TTC6: variants seen among roughly 807,000 people sequenced by gnomAD.
The protein encoded by TTC6 is tetratricopeptide repeat protein 6.
In TTC6, 172 loss-of-function variants were observed where a neutral mutation model predicts 210.4. The observed-to-expected ratio is 0.82, with a 90% CI of 0.72 to 0.93. The LOEUF is 0.93. Among genes scored for constraint, TTC6 ranks in the 40% least tolerant of loss-of-function variants. The pLI, the probability that TTC6 is intolerant of heterozygous loss-of-function variation, is 0.00. For synonymous variants in TTC6, 804 were observed against 819.6 expected, an observed-to-expected ratio of 0.98 and a Z score of 0.32; for missense variants, 2,414 against 2,318.1, an observed-to-expected ratio of 1.04 and a Z score of -0.85.
At chr14:37,840,382 T>G (rs989493987) in intron 29 of TTC6, among the ~76,000 whole-genome samples, 3 of 152,038 alleles carry the variant, frequency 2.0e-5, no homozygotes, top group African/African-American at 7.2e-5. Context: ...CAGGACCAGA[T>G]GGATTCACAG....
chr14:37,715,593 C>T (rs2095851348), intron 6 of TTC6, among the ~76,000 whole-genome samples: 1 of 151,476 alleles, frequency 6.6e-6, no homozygotes, highest in Admixed American at 6.6e-5. Flanking sequence ...ATAAAGAAAG[C>T]AACAAAAAAG....
chr14:37,768,597 C>T (rs1470846893), intron 14 of TTC6, among the ~76,000 whole-genome samples: 2 of 151,724 alleles, frequency 1.3e-5, no homozygotes, highest in Non-Finnish European at 2.9e-5. Context: ...ATTTGGCTCT[C>T]TGTTTGTCTG....
chr14:37,821,125 TG>T (rs1283674759), intron 26 of TTC6, among the ~76,000 whole-genome samples: 1 of 151,680 alleles, frequency 6.6e-6, no homozygotes, highest in Non-Finnish European at 1.5e-5. Flanking sequence ...TGGAGTACAA[TG>T]GCATGATCTT....
chr14:37,714,781 A>G (rs1043182376), exon 6 of TTC6: 5 of 1,534,616 alleles, frequency 3.3e-6, no homozygotes, highest in Middle Eastern at 1.7e-4. Context: ...CACACTTGGA[A>G]GTCTTGGGAG....
chr14:37,661,510 T>G (rs2095737301), intron 1 of TTC6, among the ~76,000 whole-genome samples: 1 of 152,202 alleles, frequency 6.6e-6, no homozygotes, highest in Admixed American at 6.5e-5. Context: ...GAGTTCTCTA[T>G]TCTGTTCCAT....
At chr14:37,770,429 T>G (rs2096014252) in intron 14 of TTC6, among the ~76,000 whole-genome samples, 1 of 152,022 alleles carries the variant, frequency 6.6e-6, no homozygotes, top group Admixed American at 6.6e-5. Context: ...TATTAATGTG[T>G]GGGAGTCTAA....
At chr14:37,689,410 G>A (rs778822760) in intron 3 of TTC6, among the ~76,000 whole-genome samples, 9 of 152,172 alleles carry the variant, frequency 5.9e-5, no homozygotes, top group Non-Finnish European at 1.2e-4. Flanking sequence ...TACTCAAAGG[G>A]ATAATAGCAG....
intron 29 of TTC6, among the ~76,000 whole-genome samples, chr14:37,832,754 T>C (rs548528056): frequency 6.6e-6 from 1 of 152,198 alleles, no homozygotes; most frequent in East Asian, 1.9e-4. Flanking sequence ...GAATATTCCA[T>C]GTACTGATAA....
intron 1 of TTC6, among the ~76,000 whole-genome samples, chr14:37,603,183 T>A (rs1319729409): frequency 6.6e-6 from 1 of 152,070 alleles, no homozygotes; most frequent in African/African-American, 2.4e-5. Flanking sequence ...GGCAGCATGG[T>A]TCTGACGCTG....
chr14:37,669,278 T>C lies in TTC6; in HGVS notation c.940-10873T>C, dbSNP rs182741148. Among the ~76,000 whole-genome samples, 167 of 152,254 alleles carry C rather than the reference T, an allele frequency of 1.1e-3. 2 individuals carry two copies. Among genetic ancestry groups the C allele is most frequent in the Non-Finnish European group, 1.9e-3 (127 of 68,000 alleles). Reference sequence around the variant, plus strand: ...CATCACTACCCCTTGGAAGTGCATCTGGGGATGGGGAGTGAGGGAGCCAAT... The same window carrying C: ...CATCACTACCCCTTGGAAGTGCATCCGGGGATGGGGAGTGAGGGAGCCAAT... On this transcript the variant is annotated intron_variant, in intron 1 of 30. Coordinates refer to ENST00000553443, the Ensembl canonical transcript of TTC6.
At chr14:37,600,859 G>C (rs1347110038) in intron 1 of TTC6, among the ~76,000 whole-genome samples, 1 of 143,522 alleles carries the variant, frequency 7.0e-6, no homozygotes, top group African/African-American at 2.9e-5. Context: ...TCAGAGGAAA[G>C]TTTTGTTTTA....
Position 37,713,007 on chromosome 14 carries a change from C to T in TTC6, c.1572-1648C>T, listed in dbSNP as rs575442744. Among the ~76,000 whole-genome samples the T allele has an allele frequency of 2.0e-5, 3 of 152,284 alleles. No individual in the cohort carries two copies. The South Asian group carries it at 6.2e-4, about 32-fold the overall frequency. ...GTTTAACTGGCTGCCTAGGGTGCTG[C>T]TGTTCCTGACACAGGAAGGCGGCAA... On this transcript the variant is annotated intron_variant, in intron 5 of 30. Transcript: ENST00000553443.
At chr14:37,731,431 T>C (rs1197007009) in intron 7 of TTC6, among the ~76,000 whole-genome samples, 1 of 152,116 alleles carries the variant, frequency 6.6e-6, no homozygotes, top group East Asian at 1.9e-4. Flanking sequence ...AACACGACAC[T>C]AAATAGGCCT....
At chr14:37,746,668 G>A (rs1326817133) in intron 10 of TTC6, among the ~76,000 whole-genome samples, 1 of 152,196 alleles carries the variant, frequency 6.6e-6, no homozygotes, top group Non-Finnish European at 1.5e-5. Context: ...ATATGTGGGA[G>A]GCTGAGGGAC....
chr14:37,787,699 A>G (rs2096071033), intron 15 of TTC6, 62 bp downstream of exon 17: 3 of 1,302,304 alleles, frequency 2.3e-6, no homozygotes, highest in South Asian at 2.1e-5. Context: ...GCTCAGTTTC[A>G]TAGTGGTGAA....
chr14:37,751,342 A>G lies in TTC6; in HGVS notation c.3129+117A>G. 3 of 631,954 alleles carry G rather than the reference A, an allele frequency of 4.7e-6. No individual in the cohort carries two copies. The Middle Eastern group carries it at 1.4e-3, about 297-fold the overall frequency. 39.1% of individuals were successfully genotyped at this position (631,954 alleles called of 1,614,324 possible). On this transcript the variant is annotated intron_variant, in intron 13 of 30. Coordinates refer to ENST00000553443, the Ensembl canonical transcript of TTC6. Reference sequence around the variant, plus strand: ...TGTATATATTATATAATCAAAATTGATTTATTACAGGTTAGGAGCTAGAGT... The same window carrying G: ...TGTATATATTATATAATCAAAATTGGTTTATTACAGGTTAGGAGCTAGAGT...
At chr14:37,711,292 A>C (rs1595137124) in intron 5 of TTC6, among the ~76,000 whole-genome samples, 1 of 152,154 alleles carries the variant, frequency 6.6e-6, no homozygotes, top group East Asian at 1.9e-4. Flanking sequence ...TTTTTCTCCC[A>C]AACAAGCCTA....
rs758028910 is a variant in TTC6 at position 37,701,424 on chromosome 14, G to C, written c.1469G>C (p.Arg490Pro). The change falls in exon 5 of 31, where the codon CGA (arginine) becomes CCA (proline). Residue 490 changes from arginine (R) to proline (P), a missense_variant. By Grantham distance (103) the Arg-to-Pro change is moderately radical. Transcript: ENST00000553443. ...CCTGTTGACTTGCGCCTGGCTTCTC[G>C]AGTGTATCACACTGCTAACAGGAAA... 2.0e-6 allele frequency: 3 copies of C among 1,533,012 alleles called. No individual in the cohort carries two copies. In the African/African-American group the frequency reaches 4.1e-5, roughly 21 times the overall value. The allele number at this position is 1,533,012 out of a possible 1,614,324, so 95.0% of individuals were successfully genotyped here.
In TTC6 at chr14:37,737,646, T is replaced by A. The variant is rs1443557639; in HGVS notation, c.1909-14T>A. ...CTGTGACTAATGTATATTTTTCATTTGATTATTTCACAGTGTTTCTTACCA... is the reference window on the plus strand; with the variant it reads ...CTGTGACTAATGTATATTTTTCATTAGATTATTTCACAGTGTTTCTTACCA... On this transcript the variant is annotated splice_polypyrimidine_tract_variant and intron_variant, in intron 8 of 30. Coordinates refer to ENST00000553443, the Ensembl canonical transcript of TTC6. 1 of 1,470,426 alleles carries A rather than the reference T, an allele frequency of 6.8e-7. No homozygotes were observed. The highest frequency in any genetic ancestry group is 1.3e-5 in the South Asian group (1 of 78,306). 91.1% of individuals were successfully genotyped at this position (1,470,426 alleles called of 1,614,324 possible).
Sources: allele counts gnomAD v4.1 joint callset (sites outside exome capture counted in the v4.1 genomes callset), GRCh38; gene constraint gnomAD v4.1.1; transcripts MANE v1.5; gene names NCBI Gene and HGNC (gene_info 2026-07-23, HGNC 2026-07-21).